Variants in XKR6 observed in about 807,000 individuals in gnomAD.
XKR6 encodes the protein XK-related protein 6.
Under a neutral mutation model 56.7 loss-of-function variants are expected in XKR6, and 22 were observed. The ratio of observed to expected loss-of-function variants is 0.39; its 90% confidence interval spans 0.28 to 0.55. The LOEUF (loss-of-function observed/expected upper bound fraction) is 0.55, where lower values mean the gene tolerates loss of function less well. Ranked by LOEUF, XKR6 falls within the 20% of genes least tolerant of loss-of-function variation. The probability of loss-of-function intolerance (pLI) is 0.66; values close to 1 mark genes in which losing one functional copy is unlikely to be tolerated. For synonymous variants in XKR6, 524 were observed against 387.8 expected (o/e 1.35, Z -4.13); for missense variants, 852 against 889.0 (o/e 0.96, Z 0.53).
At chr8:10,928,871 C>G (rs918710325) in intron 1 of XKR6, among the ~76,000 whole-genome samples, 1 of 152,218 alleles carries the variant, frequency 6.6e-6, no homozygotes, top group Non-Finnish European at 1.5e-5. Flanking sequence ...ACTCTTCTCC[C>G]GGACTTGCTC....
At chr8:10,909,660 C>T (rs1004638918) in intron 2 of XKR6, among the ~76,000 whole-genome samples, 6 of 152,190 alleles carry the variant, frequency 3.9e-5, no homozygotes, top group African/African-American at 1.4e-4. Context: ...CCATGATCTC[C>T]CACAATGCTC....
intron 1 of XKR6, among the ~76,000 whole-genome samples, chr8:11,071,709 G>A (rs1286670242): frequency 6.6e-6 from 1 of 152,088 alleles, no homozygotes; most frequent in Non-Finnish European, 1.5e-5. Context: ...CCGAGTCTAT[G>A]AGCCCCAAGT....
chr8:10,930,277 C>G (rs12547012), intron 1 of XKR6, among the ~76,000 whole-genome samples: 1 of 152,158 alleles, frequency 6.6e-6, no homozygotes, highest in African/African-American at 2.4e-5. Flanking sequence ...GATAACAAAC[C>G]ACCTTCAAAG....
At chr8:11,082,574 G>A (rs1797761334) in intron 1 of XKR6, among the ~76,000 whole-genome samples, 1 of 152,218 alleles carries the variant, frequency 6.6e-6, no homozygotes, top group Non-Finnish European at 1.5e-5. Context: ...CTTTGAGGTG[G>A]CGGACCACCT....
At chr8:11,145,498 G>T (rs982421883) in intron 1 of XKR6, among the ~76,000 whole-genome samples, 5 of 152,056 alleles carry the variant, frequency 3.3e-5, no homozygotes, top group African/African-American at 9.7e-5. Context: ...CCAAAAAAAA[G>T]TTTCTGCAAC....
At chr8:11,154,917 A>G (rs1179705800) in intron 1 of XKR6, among the ~76,000 whole-genome samples, 1 of 152,232 alleles carries the variant, frequency 6.6e-6, no homozygotes, top group Non-Finnish European at 1.5e-5. Context: ...CTAAAATTCT[A>G]TCATATTCTT....
chr8:11,132,861 GAA>G (rs33917510), intron 1 of XKR6, among the ~76,000 whole-genome samples: 2,272 of 144,066 alleles, frequency 0.016, 48 homozygotes, highest in African/African-American at 0.038. Context: ...TATGATGTGT[GAA>G]AAAAAAAAAA....
intron 1 of XKR6, among the ~76,000 whole-genome samples, chr8:10,993,945 A>G (rs4507728): frequency 0.47 from 71,749 of 152,028 alleles, 21,402 homozygotes; most frequent in African/African-American, 0.84. Context: ...ACCTGAACTC[A>G]GCAAACCTCT....
At chr8:11,139,099 T>G (rs976099988) in intron 1 of XKR6, among the ~76,000 whole-genome samples, 3 of 152,212 alleles carry the variant, frequency 2.0e-5, no homozygotes, top group Non-Finnish European at 2.9e-5. Context: ...CATTAACCTT[T>G]AATAGTAAAT....
intron 1 of XKR6, chr8:11,195,164 C>T (rs1342446380): frequency 2.8e-6 from 2 of 703,266 alleles, no homozygotes; most frequent in Non-Finnish European, 5.2e-6. Flanking sequence ...GGTGAGGCAA[C>T]TTCATGTGGT....
At chr8:11,002,699 C>G (rs577290445) in intron 1 of XKR6, among the ~76,000 whole-genome samples, 1 of 152,236 alleles carries the variant, frequency 6.6e-6, no homozygotes. Flanking sequence ...GGGGGTGGTG[C>G]GAGTTCAACG....
rs139095041 is a variant in XKR6 at position 11,178,751 on chromosome 8, T to C, written c.764+21825A>G. ...AACAGAAAATTTCTAATTTTACATA[T>C]GGTAGGTAACGTTGGCTCTATATAC... On this transcript the variant is annotated intron_variant, in intron 1 of 2. Coordinates refer to ENST00000416569, the MANE Select transcript of XKR6 (RefSeq NM_173683.4). 3.9e-3 allele frequency among the ~76,000 whole-genome samples: 584 copies of C among 150,480 alleles called. 2 individuals are homozygous for C. Among genetic ancestry groups the C allele is most frequent in the African/African-American group, 0.014 (565 of 41,228 alleles).
rs111351971 is a variant in XKR6 at position 10,956,692 on chromosome 8, C to T, written c.765-31862G>A. On this transcript the variant is annotated intron_variant, in intron 1 of 2. Transcript: ENST00000416569. ...AACAGCGGATGTCAAAGGGAAGCATCGTGCCAATGGTTTCAAAGGGCTGGA... is the reference window on the plus strand; with the variant it reads ...AACAGCGGATGTCAAAGGGAAGCATTGTGCCAATGGTTTCAAAGGGCTGGA... Among the ~76,000 whole-genome samples the T allele has an allele frequency of 8.3e-3, 1,267 of 152,174 alleles. 6 individuals carry two copies. Among genetic ancestry groups the T allele is most frequent in the Middle Eastern group, 0.017 (5 of 294 alleles).
At chr8:11,081,448 A>T (rs926382455) in intron 1 of XKR6, among the ~76,000 whole-genome samples, 1 of 152,232 alleles carries the variant, frequency 6.6e-6, no homozygotes, top group Non-Finnish European at 1.5e-5. Context: ...TCACAAATAT[A>T]TTTGGCCCAG....
intron 1 of XKR6, among the ~76,000 whole-genome samples, chr8:11,068,651 T>C (rs1272204393): frequency 6.6e-6 from 1 of 151,860 alleles, no homozygotes; most frequent in Admixed American, 6.5e-5. Flanking sequence ...GCAGCGTGGG[T>C]TTCTCCTCTG....
At chr8:10,959,992 C>A (rs1448243039) in intron 1 of XKR6, among the ~76,000 whole-genome samples, 4 of 151,868 alleles carry the variant, frequency 2.6e-5, no homozygotes, top group African/African-American at 4.8e-5. Flanking sequence ...CCTGGGATTA[C>A]AAAAGCCTGA....
At chr8:10,977,194 C>T (rs1382258419) in intron 1 of XKR6, among the ~76,000 whole-genome samples, 1 of 152,154 alleles carries the variant, frequency 6.6e-6, no homozygotes, top group Non-Finnish European at 1.5e-5. Context: ...AGAGGTTGTC[C>T]AGGCCAGCAC....
intron 1 of XKR6, among the ~76,000 whole-genome samples, chr8:11,192,126 T>G (rs1226734960): frequency 3.3e-5 from 5 of 152,052 alleles, no homozygotes; most frequent in Non-Finnish European, 5.9e-5. Flanking sequence ...AAAACCAGCC[T>G]GGGCAATATA....
intron 1 of XKR6, among the ~76,000 whole-genome samples, chr8:11,179,898 C>T (rs903773791): frequency 3.3e-5 from 5 of 152,068 alleles, no homozygotes; most frequent in African/African-American, 9.7e-5. Flanking sequence ...TTTGGGAGGC[C>T]GATGTAGGGG....
Sources: allele counts gnomAD v4.1 joint callset (sites outside exome capture counted in the v4.1 genomes callset), GRCh38; gene constraint gnomAD v4.1.1; transcripts MANE v1.5; gene names NCBI Gene and HGNC (gene_info 2026-07-23, HGNC 2026-07-21).